Variants in MYH10 observed in about 807,000 individuals in gnomAD.
The protein encoded by MYH10 is myosin heavy chain 10.
A neutral mutation model predicts 257.8 loss-of-function variants in MYH10; 55 were observed. The ratio of observed to expected loss-of-function variants is 0.21; its 90% CI spans 0.17 to 0.27. The LOEUF (loss-of-function observed/expected upper bound fraction) is 0.27, where lower values mean the gene tolerates loss of function less well. Ranked by LOEUF, MYH10 falls within the 10% of genes least tolerant of loss-of-function variation. MYH10 has a pLI of 1.00. For missense variants in MYH10, 1,631 were observed against 2,500.6 expected (o/e 0.65, Z 7.42); for synonymous variants, 854 against 921.7 (o/e 0.93, Z 1.33).
chr17:8,480,835 C>A (rs1334540672), intron 38 of MYH10, among the ~76,000 whole-genome samples: 1 of 151,528 alleles, frequency 6.6e-6, no homozygotes, highest in African/African-American at 2.4e-5. Flanking sequence ...GCTTTCAAAA[C>A]GCAAGCACGA....
intron 21 of MYH10, among the ~76,000 whole-genome samples, chr17:8,514,925 C>G (rs1256391390): frequency 6.6e-6 from 1 of 152,206 alleles, no homozygotes; most frequent in African/African-American, 2.4e-5. Flanking sequence ...CTGGACATCT[C>G]ATCCCTGCAT....
At chr17:8,624,051 G>C (rs1221324563) in intron 1 of MYH10, among the ~76,000 whole-genome samples, 1 of 152,194 alleles carries the variant, frequency 6.6e-6, no homozygotes, top group Non-Finnish European at 1.5e-5. Flanking sequence ...GTGTGGCCCA[G>C]AAGCAAACAT....
chr17:8,497,307 C>T (rs188511221), intron 30 of MYH10, among the ~76,000 whole-genome samples: 268 of 152,176 alleles, frequency 1.8e-3, no homozygotes, highest in South Asian at 3.5e-3. Flanking sequence ...TCTTTTCTTA[C>T]CAATAAGGAC....
intron 2 of MYH10, among the ~76,000 whole-genome samples, 157 bp from the exon 3 acceptor site, chr17:8,605,139 G>A (rs771297096): frequency 2.6e-5 from 4 of 152,116 alleles, no homozygotes; most frequent in Non-Finnish European, 4.4e-5. Context: ...CCTATAATGG[G>A]CAATTTAGTA....
intron 2 of MYH10, among the ~76,000 whole-genome samples, chr17:8,616,203 A>G (rs2085255115): frequency 6.6e-6 from 1 of 152,100 alleles, no homozygotes; most frequent in Non-Finnish European, 1.5e-5. Flanking sequence ...GGATCGCCTG[A>G]GCCCAGGAGG....
intron 1 of MYH10, among the ~76,000 whole-genome samples, chr17:8,626,884 A>T (rs1246133153): frequency 6.6e-6 from 1 of 152,164 alleles, no homozygotes; most frequent in African/African-American, 2.4e-5. Flanking sequence ...CTGGACATGT[A>T]ATTAGATGCT....
chr17:8,548,735 A>G lies in MYH10; in HGVS notation c.972T>C (p.Tyr324=), dbSNP rs1753610781. 1 of 1,613,722 alleles carries G rather than the reference A, an allele frequency of 6.2e-7. No homozygotes were observed. The highest frequency in any genetic ancestry group is 8.5e-7 in the Non-Finnish European group (1 of 1,179,624). The stretch of plus-strand genomic sequence containing the variant: ...TGTCTTGCTGTCCCGGAATAGGAAT[A>G]TAGCCATTGGAGAGAAACCTGTAGT... ...FNNYRFLSNG[Y]IPIPGQQDKD... Residue 324 remains tyrosine, a synonymous_variant, in exon 10 of 43, where the codon TAT becomes TAC. Coordinates refer to ENST00000360416, the MANE Select transcript of MYH10 (RefSeq NM_001256012.3).
chr17:8,510,557 T>C (rs765823478), intron 24 of MYH10, among the ~76,000 whole-genome samples: 5 of 152,172 alleles, frequency 3.3e-5, no homozygotes, highest in Non-Finnish European at 7.4e-5. Flanking sequence ...ACTATGAACA[T>C]GCTACAAAAA....
At chr17:8,517,162 C>T (rs2081499663) in intron 21 of MYH10, among the ~76,000 whole-genome samples, 1 of 152,044 alleles carries the variant, frequency 6.6e-6, no homozygotes, top group African/African-American at 2.4e-5. Context: ...AATAAAAACC[C>T]AATTCTTTTA....
chr17:8,568,833 C>T (rs1301491591), intron 7 of MYH10, among the ~76,000 whole-genome samples: 3 of 151,830 alleles, frequency 2.0e-5, no homozygotes, highest in Admixed American at 2.0e-4. Context: ...GAGACCTGGC[C>T]ATCACTTAGG....
intron 3 of MYH10, among the ~76,000 whole-genome samples, chr17:8,604,367 T>C (rs1324668482): frequency 1.3e-5 from 2 of 152,224 alleles, no homozygotes; most frequent in Non-Finnish European, 2.9e-5. Context: ...TCCAAAGGAA[T>C]ACAATCAAAA....
intron 14 of MYH10, 85 bp from the exon 15 acceptor site, chr17:8,536,016 T>A: frequency 2.3e-6 from 3 of 1,284,730 alleles, no homozygotes; most frequent in Non-Finnish European, 1.1e-6. Flanking sequence ...TCTAAAACAA[T>A]TAGTTTTATG....
At chr17:8,530,229 G>T (rs915012726) in intron 17 of MYH10, among the ~76,000 whole-genome samples, 9 of 152,122 alleles carry the variant, frequency 5.9e-5, no homozygotes, top group Admixed American at 5.2e-4. Flanking sequence ...ATTTAAAGGT[G>T]ACTCAAAAGC....
chr17:8,530,913 C>T lies in MYH10; in HGVS notation c.1895-228G>A, dbSNP rs561313994. On this transcript the variant is annotated intron_variant, in intron 16 of 42. Transcript: ENST00000360416. The stretch of plus-strand genomic sequence containing the variant: ...ATCAAAAGAGCACATTCCCAACTCC[C>T]GGTGTGAGCATTATATGATATCAAT... 3.9e-5 allele frequency among the ~76,000 whole-genome samples: 6 copies of T among 152,184 alleles called. 1 individual carries two copies. Among genetic ancestry groups the T allele is most frequent in the East Asian group, 1.9e-4 (1 of 5,184 alleles).
chr17:8,595,447 T>TTTTTTTTTC (rs2084329519), intron 3 of MYH10, among the ~76,000 whole-genome samples: 1 of 121,788 alleles, frequency 8.2e-6, no homozygotes. Context: ...TTTTTTTTTT[T>TTTTTTTTTC]TTGAGACAGA....
At chr17:8,556,531 A>G (rs1217984781) in intron 7 of MYH10, among the ~76,000 whole-genome samples, 1 of 152,248 alleles carries the variant, frequency 6.6e-6, no homozygotes, top group Non-Finnish European at 1.5e-5. Flanking sequence ...ACTACATACT[A>G]TATGATTCCA....
chr17:8,592,944 T>TATATATATATA (rs2084218868), intron 3 of MYH10, among the ~76,000 whole-genome samples: 1 of 99,928 alleles, frequency 1.0e-5, no homozygotes, highest in Non-Finnish European at 2.1e-5. Flanking sequence ...TATATATATA[T>TATATATATATA]ATATATATAT....
In MYH10 at chr17:8,536,968, T is replaced by C. The variant is rs77052692; in HGVS notation, c.1606-1037A>G. Among the ~76,000 whole-genome samples, 50 of 152,296 alleles carry C rather than the reference T, an allele frequency of 3.3e-4. 1 individual carries two copies. The East Asian group carries it at 3.5e-3, about 11-fold the overall frequency. ...TAGTGGTAATGGTTCCACAACTTTG[T>C]GAATATACTACAAACATCACTGACT... is the stretch of plus-strand genomic sequence containing the variant. On this transcript the variant is annotated intron_variant, in intron 14 of 42. Coordinates refer to ENST00000360416, the MANE Select transcript of MYH10 (RefSeq NM_001256012.3).
chr17:8,593,171 A>T (rs1048644888), intron 3 of MYH10, among the ~76,000 whole-genome samples: 3 of 151,624 alleles, frequency 2.0e-5, no homozygotes, highest in Admixed American at 6.6e-5. Flanking sequence ...GCAAACTAGA[A>T]ATACAAGGGA....
Sources: allele counts gnomAD v4.1 joint callset (sites outside exome capture counted in the v4.1 genomes callset), GRCh38; gene constraint gnomAD v4.1.1; transcripts MANE v1.5; gene names NCBI Gene and HGNC (gene_info 2026-07-23, HGNC 2026-07-21).